The following ESR1 variants were observed in gnomAD, a reference collection of about 807,000 sequenced individuals.
ESR1 encodes the protein estrogen receptor.
ESR1 carries 12 observed loss-of-function variants against 52.7 expected under a neutral mutation model. The ratio of observed to expected loss-of-function variants is 0.23; its 90% CI spans 0.15 to 0.37. ESR1 has a LOEUF of 0.37. Among genes scored for constraint, ESR1 ranks in the 10% least tolerant of loss-of-function variants. ESR1 has a pLI of 1.00. For synonymous variants in ESR1, 305 were observed against 316.8 expected, an observed-to-expected ratio of 0.96 and a Z score of 0.39; for missense variants, 584 against 779.7, an observed-to-expected ratio of 0.75 and a Z score of 2.99.
intron 5 of ESR1, among the ~76,000 whole-genome samples, chr6:152,022,864 C>T (rs1034309320): frequency 6.6e-6 from 1 of 151,782 alleles, no homozygotes; most frequent in African/African-American, 2.4e-5. Context: ...GTAATCCCAG[C>T]TACTCAGGAG....
chr6:152,022,332 T>C lies in ESR1; in HGVS notation c.1235+10538T>C, dbSNP rs182535112. ...GGAGATTAGGAAGACAGGAGAGAGG[T>C]AGATGTTGAGCAACTCCGAGGAGTT... On this transcript the variant is annotated intron_variant, in intron 5 of 7. Coordinates refer to ENST00000206249, the MANE Select transcript of ESR1 (RefSeq NM_000125.4). Among the ~76,000 whole-genome samples, 562 of 152,188 alleles carry C rather than the reference T, an allele frequency of 3.7e-3. 5 individuals are homozygous for C. The highest frequency in any genetic ancestry group is 6.5e-3 in the Non-Finnish European group (441 of 68,012).
At chr6:151,724,365 C>T (rs1004149690) in intron 2 of ESR1, among the ~76,000 whole-genome samples, 3 of 152,102 alleles carry the variant, frequency 2.0e-5, no homozygotes, top group Non-Finnish European at 2.9e-5. Context: ...CAGGAAAGCT[C>T]CTACAACCCA....
intron 2 of ESR1, among the ~76,000 whole-genome samples, chr6:151,859,691 T>C (rs780582873): frequency 1.2e-4 from 18 of 152,194 alleles, no homozygotes; most frequent in Admixed American, 5.2e-4. Flanking sequence ...ATTCTTGCAG[T>C]TAGCAAATAT....
At chr6:151,759,767 A>G (rs1459834457) in intron 2 of ESR1, among the ~76,000 whole-genome samples, 2 of 152,208 alleles carry the variant, frequency 1.3e-5, no homozygotes, top group African/African-American at 4.8e-5. Context: ...GATGTATATC[A>G]GGTGGCATAC....
intron 6 of ESR1, among the ~76,000 whole-genome samples, chr6:152,086,830 G>A (rs2049763346): frequency 6.6e-6 from 1 of 151,942 alleles, no homozygotes. Context: ...TGAGTGTATG[G>A]TCTTATACAC....
At chr6:151,989,211 C>G (rs2040788716) in intron 4 of ESR1, among the ~76,000 whole-genome samples, 1 of 152,064 alleles carries the variant, frequency 6.6e-6, no homozygotes, top group Non-Finnish European at 1.5e-5. Context: ...AATTTAAGGC[C>G]TGTTAAGCAG....
At chr6:151,821,808 A>G (rs9340787) in intron 1 of ESR1, among the ~76,000 whole-genome samples, 1,627 of 152,298 alleles carry the variant, frequency 0.011, 27 homozygotes, top group African/African-American at 0.037. Context: ...CTCTGAGACT[A>G]ATGACTAAGC....
intron 1 of ESR1, among the ~76,000 whole-genome samples, chr6:151,809,725 G>T (rs1439817582): frequency 6.6e-6 from 1 of 152,170 alleles, no homozygotes; most frequent in Admixed American, 6.5e-5. Context: ...GAAATTTAGA[G>T]CATCCCACAG....
intron 5 of ESR1, among the ~76,000 whole-genome samples, chr6:152,052,961 A>G (rs1458034062): frequency 6.6e-6 from 1 of 152,198 alleles, no homozygotes; most frequent in Non-Finnish European, 1.5e-5. Context: ...CCAGGGCCCT[A>G]GCAGCCTTGA....
intron 6 of ESR1, among the ~76,000 whole-genome samples, chr6:152,062,849 G>T (rs1302413614): frequency 6.6e-6 from 1 of 152,200 alleles, no homozygotes; most frequent in Non-Finnish European, 1.5e-5. Context: ...CCACACAGTG[G>T]ATGCTCTGAT....
intron 6 of ESR1, among the ~76,000 whole-genome samples, chr6:152,112,370 CAA>C (rs1408312793): frequency 6.6e-6 from 1 of 152,146 alleles, no homozygotes; most frequent in Non-Finnish European, 1.5e-5. Flanking sequence ...TATCTCATTT[CAA>C]GTCAAGTGTC....
chr6:151,755,241 CA>C (rs567126492), intron 2 of ESR1, among the ~76,000 whole-genome samples: 119 of 141,818 alleles, frequency 8.4e-4, no homozygotes, highest in Non-Finnish European at 1.0e-3. Context: ...AAACCAAAAC[CA>C]AAAAAAAAAA....
At chr6:151,678,472 TAA>T (rs201615007) in intron 1 of ESR1, among the ~76,000 whole-genome samples, 14 of 137,086 alleles carry the variant, frequency 1.0e-4, no homozygotes, top group Admixed American at 2.9e-4. Flanking sequence ...GACTCCATAT[TAA>T]AAAAAAAAAA....
chr6:151,794,030 C>A (rs530972096), intron 2 of ESR1, among the ~76,000 whole-genome samples: 2 of 152,252 alleles, frequency 1.3e-5, no homozygotes, highest in Admixed American at 1.3e-4. Flanking sequence ...CTAAAAAAAT[C>A]GTGATCGAGT....
At position 152,101,163 on chromosome 6, in the gene ESR1, A is replaced by G. The variant is rs895789840; in HGVS notation, c.*2197A>G. 2 of 232,020 alleles carry G rather than the reference A, an allele frequency of 8.6e-6. No individual in the cohort carries two copies. The highest frequency in any genetic ancestry group is 4.4e-5 in the African/African-American group (2 of 45,232). The allele number at this position is 232,020 out of a possible 1,614,324, so 14.4% of individuals were successfully genotyped here. A position where few individuals can be genotyped will look rare whatever the true frequency, so the allele number is the denominator to read the frequency against. ...ATATCAACTTTTGTATCCACAGTAGACAAAATAGCACTAATCCAGATGCCT... is the reference window on the plus strand; with the variant it reads ...ATATCAACTTTTGTATCCACAGTAGGCAAAATAGCACTAATCCAGATGCCT... On this transcript the variant is annotated 3_prime_UTR_variant, in exon 8 of 8. Transcript: ENST00000206249.
chr6:152,074,379 A>G (rs149975300), intron 6 of ESR1, among the ~76,000 whole-genome samples: 241 of 152,200 alleles, frequency 1.6e-3, no homozygotes, highest in African/African-American at 5.0e-3. Flanking sequence ...TCACTCAGTG[A>G]TATGCATTTA....
chr6:151,751,004 C>A (rs915609629), intron 2 of ESR1, among the ~76,000 whole-genome samples: 5 of 152,112 alleles, frequency 3.3e-5, no homozygotes, highest in African/African-American at 7.2e-5. Flanking sequence ...GCTTAAATAG[C>A]GTAAGAGTCT....
At chr6:151,862,197 C>T (rs1420597422) in intron 2 of ESR1, among the ~76,000 whole-genome samples, 1 of 152,116 alleles carries the variant, frequency 6.6e-6, no homozygotes, top group Non-Finnish European at 1.5e-5. Context: ...GATGAGGAAA[C>T]CAAGGTATGT....
At chr6:151,730,432 C>T (rs1308806295) in intron 2 of ESR1, among the ~76,000 whole-genome samples, 1 of 152,156 alleles carries the variant, frequency 6.6e-6, no homozygotes, top group African/African-American at 2.4e-5. Flanking sequence ...TTCCAGAGCT[C>T]ATCTGTCTCC....
Sources: allele counts gnomAD v4.1 joint callset (sites outside exome capture counted in the v4.1 genomes callset), GRCh38; gene constraint gnomAD v4.1.1; transcripts MANE v1.5; gene names NCBI Gene and HGNC (gene_info 2026-07-23, HGNC 2026-07-21).